Variants in EFCAB6 observed in about 807,000 individuals in gnomAD.
EFCAB6 encodes the protein EF-hand calcium-binding domain-containing protein 6.
In EFCAB6, 156 loss-of-function variants were observed where a neutral mutation model predicts 169.8. The ratio of observed to expected loss-of-function variants is 0.92; its 90% CI spans 0.81 to 1.05. The LOEUF (loss-of-function observed/expected upper bound fraction) is 1.05, where lower values mean the gene tolerates loss of function less well. Among genes scored for constraint, EFCAB6 ranks in the 50% least tolerant of loss-of-function variants. The pLI is 0.00. For missense variants in EFCAB6, 1,800 were observed against 1,829.1 expected (o/e 0.98, Z 0.29); for synonymous variants, 698 against 676.4 (o/e 1.03, Z -0.50).
chr22:43,649,560 G>T (rs2056358338), intron 17 of EFCAB6, among the ~76,000 whole-genome samples: 3 of 152,086 alleles, frequency 2.0e-5, no homozygotes, highest in African/African-American at 7.2e-5. Context: ...ACAAATGAAA[G>T]CATCAGTATG....
intron 2 of EFCAB6, among the ~76,000 whole-genome samples, chr22:43,789,011 G>A (rs568875649): frequency 6.6e-6 from 1 of 152,146 alleles, no homozygotes; most frequent in East Asian, 1.9e-4. Context: ...TATATAAAAT[G>A]TCCATAACAG....
chr22:43,547,477 C>T (rs562327539), intron 27 of EFCAB6, among the ~76,000 whole-genome samples: 6 of 152,276 alleles, frequency 3.9e-5, no homozygotes, highest in Admixed American at 3.3e-4. Context: ...CAGTGGCTCA[C>T]GCCTGTAATC....
At chr22:43,730,628 T>G (rs2059914543) in intron 8 of EFCAB6, among the ~76,000 whole-genome samples, 1 of 152,210 alleles carries the variant, frequency 6.6e-6, no homozygotes, top group Non-Finnish European at 1.5e-5. Context: ...TCTTTCCATA[T>G]ATGTGCCACG....
At chr22:43,656,632 G>A (rs374917507) in intron 17 of EFCAB6, among the ~76,000 whole-genome samples, 3 of 152,188 alleles carry the variant, frequency 2.0e-5, no homozygotes, top group Admixed American at 6.5e-5. Context: ...ACACTGTGCG[G>A]TATAATACCA....
chr22:43,592,694 G>T (rs2051651948), intron 23 of EFCAB6, among the ~76,000 whole-genome samples: 1 of 152,122 alleles, frequency 6.6e-6, no homozygotes, highest in Non-Finnish European at 1.5e-5. Context: ...GCCAGAAGGG[G>T]GCACTGTTAT....
intron 10 of EFCAB6, among the ~76,000 whole-genome samples, chr22:43,704,045 A>C (rs2147299265): frequency 6.6e-6 from 1 of 152,218 alleles, no homozygotes; most frequent in South Asian, 2.1e-4. Context: ...ATTCAACCCA[A>C]AGAGGAGGTC....
intron 17 of EFCAB6, among the ~76,000 whole-genome samples, chr22:43,662,905 T>G (rs1348695638): frequency 6.6e-6 from 1 of 152,038 alleles, no homozygotes; most frequent in East Asian, 1.9e-4. Context: ...CCAGCAAGGG[T>G]CTGAGTCTGA....
chr22:43,668,205 T>C (rs1311067084), intron 16 of EFCAB6, among the ~76,000 whole-genome samples: 1 of 152,244 alleles, frequency 6.6e-6, no homozygotes, highest in African/African-American at 2.4e-5. Flanking sequence ...TAAGAACTTT[T>C]TAAAAGGGCT....
chr22:43,600,978 T>A (rs978615236), intron 22 of EFCAB6, among the ~76,000 whole-genome samples: 5 of 152,222 alleles, frequency 3.3e-5, no homozygotes, highest in South Asian at 4.1e-4. Context: ...GGCAGTTTTT[T>A]AAAATTGAAT....
At chr22:43,754,331 T>C (rs2060878905) in intron 6 of EFCAB6, among the ~76,000 whole-genome samples, 1 of 152,122 alleles carries the variant, frequency 6.6e-6, no homozygotes, top group South Asian at 2.1e-4. Flanking sequence ...GGTTGGTAAA[T>C]AGCAGAGCCC....
chr22:43,766,102 C>T (rs2061318770), intron 4 of EFCAB6, among the ~76,000 whole-genome samples: 1 of 152,166 alleles, frequency 6.6e-6, no homozygotes. Flanking sequence ...GTCACAGAAT[C>T]TCGGCCCACT....
At chr22:43,797,154 G>C (rs529006161) in intron 2 of EFCAB6, 4 of 152,846 alleles carry the variant, frequency 2.6e-5, no homozygotes, top group Non-Finnish European at 5.9e-5. Flanking sequence ...CCTTTCTCTT[G>C]AGACCTGAAG....
At chr22:43,793,885 T>A (rs1302837499) in intron 2 of EFCAB6, among the ~76,000 whole-genome samples, 1 of 152,230 alleles carries the variant, frequency 6.6e-6, no homozygotes, top group Non-Finnish European at 1.5e-5. Context: ...GTTATTGTTA[T>A]TAATACCATT....
intron 8 of EFCAB6, among the ~76,000 whole-genome samples, 195 bp from the exon 9 acceptor site, chr22:43,717,167 A>G (rs868309301): frequency 8.5e-5 from 13 of 152,182 alleles, no homozygotes; most frequent in African/African-American, 3.1e-4. Flanking sequence ...TCATCTACTC[A>G]CTATCTTACT....
chr22:43,532,861 C>T (rs2047164713), intron 30 of EFCAB6, among the ~76,000 whole-genome samples: 1 of 152,198 alleles, frequency 6.6e-6, no homozygotes, highest in African/African-American at 2.4e-5. Context: ...GCTTTCAGCC[C>T]GACACTTCTG....
At chr22:43,609,615 C>T (rs1319315841) in intron 21 of EFCAB6, among the ~76,000 whole-genome samples, 1 of 152,050 alleles carries the variant, frequency 6.6e-6, no homozygotes, top group Non-Finnish European at 1.5e-5. Flanking sequence ...ATCCTTTATA[C>T]AGAAAAGTAT....
At chr22:43,715,320 T>C (rs1305546521) in intron 9 of EFCAB6, among the ~76,000 whole-genome samples, 1 of 152,116 alleles carries the variant, frequency 6.6e-6, no homozygotes, top group Non-Finnish European at 1.5e-5. Context: ...CCCCAGGACT[T>C]AGCTGGACTC....
At chr22:43,534,574 G>A (rs548487237) in intron 30 of EFCAB6, 114 bp downstream of exon 30, 13 of 1,004,136 alleles carry the variant, frequency 1.3e-5, no homozygotes, top group South Asian at 6.4e-5. Context: ...GCAGTGAACC[G>A]TGAACCACTG....
At chr22:43,635,038 T>G in intron 18 of EFCAB6, 64 bp downstream of exon 18, 2 of 1,368,416 alleles carry the variant, frequency 1.5e-6, no homozygotes, top group Non-Finnish European at 2.1e-6. Context: ...GTGGCACTGC[T>G]AGCAAAGACA....
Sources: allele counts gnomAD v4.1 joint callset (sites outside exome capture counted in the v4.1 genomes callset), GRCh38; gene constraint gnomAD v4.1.1; transcripts MANE v1.5; gene names NCBI Gene and HGNC (gene_info 2026-07-23, HGNC 2026-07-21).